FBN2: variants seen among roughly 807,000 people sequenced by gnomAD.
FBN2 encodes fibrillin-2.
Under a neutral mutation model 355.6 loss-of-function variants are expected in FBN2, and 105 were observed. That is an observed-to-expected ratio of 0.30 (90% CI 0.25 to 0.35). The LOEUF is 0.35. Among genes scored for constraint, FBN2 ranks in the 10% least tolerant of loss-of-function variants. The pLI, the probability that FBN2 is intolerant of heterozygous loss-of-function variation, is 1.00. For missense variants in FBN2, 3,280 were observed against 3,758.7 expected (o/e 0.87, Z 3.33); for synonymous variants, 1,350 against 1,301.2 (o/e 1.04, Z -0.81).
intron 55 of FBN2, among the ~76,000 whole-genome samples, chr5:128,285,311 C>T (rs1349482178): frequency 6.6e-6 from 1 of 151,916 alleles, no homozygotes; most frequent in Non-Finnish European, 1.5e-5. Context: ...AATATTTTTA[C>T]TGTTTTTAAA....
chr5:128,373,733 G>C (rs1433992291), intron 15 of FBN2, among the ~76,000 whole-genome samples: 3 of 152,062 alleles, frequency 2.0e-5, no homozygotes, highest in East Asian at 3.9e-4. Flanking sequence ...TATATTGCTG[G>C]GGTTCCCAAA....
chr5:128,472,987 A>T (rs954076410), intron 5 of FBN2, among the ~76,000 whole-genome samples: 2 of 152,196 alleles, frequency 1.3e-5, no homozygotes, highest in African/African-American at 4.8e-5. Flanking sequence ...GAGGGCATGG[A>T]AATATTCACG....
chr5:128,401,867 T>G (rs1038821545), intron 8 of FBN2, among the ~76,000 whole-genome samples: 1 of 152,156 alleles, frequency 6.6e-6, no homozygotes, highest in African/African-American at 2.4e-5. Flanking sequence ...TGAAGGAAAC[T>G]AAGTCATAGG....
At chr5:128,394,768 T>C (rs1752602659) in intron 9 of FBN2, among the ~76,000 whole-genome samples, 2 of 152,128 alleles carry the variant, frequency 1.3e-5, no homozygotes. Context: ...ATGACTTGAC[T>C]TCAAGGACAG....
At chr5:128,476,839 T>C (rs1052264104) in intron 5 of FBN2, among the ~76,000 whole-genome samples, 4 of 152,174 alleles carry the variant, frequency 2.6e-5, no homozygotes, top group Admixed American at 6.6e-5. Context: ...TGAGATTCAA[T>C]AGCTCCGTGA....
chr5:128,519,062 C>T (rs773413895), intron 5 of FBN2, among the ~76,000 whole-genome samples: 2 of 152,188 alleles, frequency 1.3e-5, no homozygotes, highest in South Asian at 2.1e-4. Flanking sequence ...CAGAGTTGGC[C>T]GCCCAAACTG....
intron 56 of FBN2, 71 bp from the exon 57 acceptor site, chr5:128,278,912 C>A: frequency 1.6e-6 from 2 of 1,264,584 alleles, no homozygotes; most frequent in Admixed American, 1.9e-5. Flanking sequence ...TCAAATTAAG[C>A]AGGGCAGTCA....
chr5:128,420,358 C>T (rs538148911), intron 7 of FBN2, among the ~76,000 whole-genome samples: 1 of 152,266 alleles, frequency 6.6e-6, no homozygotes, highest in East Asian at 1.9e-4. Flanking sequence ...AAAACTTTTT[C>T]CTCTAATAGA....
At chr5:128,448,240 C>T (rs151260897) in intron 6 of FBN2, among the ~76,000 whole-genome samples, 19 of 152,174 alleles carry the variant, frequency 1.2e-4, no homozygotes, top group Admixed American at 4.6e-4. Flanking sequence ...CTCTACTGTT[C>T]ATGAAGACTC....
intron 20 of FBN2, among the ~76,000 whole-genome samples, chr5:128,356,145 A>T (rs1460952791): frequency 6.6e-6 from 1 of 151,908 alleles, no homozygotes; most frequent in Non-Finnish European, 1.5e-5. Context: ...CGCCCCCCCA[A>T]CCCAGCCCGG....
At chr5:128,364,829 T>A in intron 17 of FBN2, 104 bp from the exon 18 acceptor site, 1 of 971,510 alleles carries the variant, frequency 1.0e-6, no homozygotes, top group Admixed American at 2.0e-5. Context: ...TGTTTAACTC[T>A]GCAAACTCAC....
Position 128,492,491 on chromosome 5 carries a change from G to A in FBN2, c.628+26782C>T, listed in dbSNP as rs533012878. Among the ~76,000 whole-genome samples, 48 of 152,194 alleles carry A rather than the reference G, an allele frequency of 3.2e-4. No homozygotes were observed. In the South Asian group the frequency reaches 1.0e-2, roughly 32 times the overall value. On this transcript the variant is annotated intron_variant, in intron 5 of 64. Coordinates refer to ENST00000262464, the MANE Select transcript of FBN2 (RefSeq NM_001999.4). Reference sequence around the variant, plus strand: ...CCTTTTACAACATTTAATAAACAGGGTCAAACTTTTGTTAAAATATAGAAA... The same window carrying A: ...CCTTTTACAACATTTAATAAACAGGATCAAACTTTTGTTAAAATATAGAAA...
chr5:128,384,729 T>C (rs1752321513), intron 11 of FBN2, among the ~76,000 whole-genome samples: 2 of 152,056 alleles, frequency 1.3e-5, no homozygotes, highest in South Asian at 4.1e-4. Flanking sequence ...AATATTCAAG[T>C]GGCACCTGGG....
intron 5 of FBN2, among the ~76,000 whole-genome samples, chr5:128,475,655 A>G (rs373246016): frequency 3.3e-5 from 5 of 152,330 alleles, no homozygotes; most frequent in South Asian, 4.1e-4. Context: ...AATAATGATA[A>G]TAAAAAAGAT....
chr5:128,507,486 T>G (rs1755994719), intron 5 of FBN2, among the ~76,000 whole-genome samples: 1 of 152,060 alleles, frequency 6.6e-6, no homozygotes, highest in African/African-American at 2.4e-5. Flanking sequence ...ACTGCTAAAC[T>G]TTTTAAGTTC....
chr5:128,452,013 T>C (rs966482527), intron 6 of FBN2, among the ~76,000 whole-genome samples: 1 of 152,188 alleles, frequency 6.6e-6, no homozygotes, highest in African/African-American at 2.4e-5. Flanking sequence ...TGCAGTTATG[T>C]AGAATTAATT....
intron 6 of FBN2, among the ~76,000 whole-genome samples, chr5:128,453,063 T>C (rs981182491): frequency 6.6e-6 from 1 of 152,170 alleles, no homozygotes; most frequent in Non-Finnish European, 1.5e-5. Flanking sequence ...CTGAAACATA[T>C]GGGGTGTCCT....
intron 5 of FBN2, among the ~76,000 whole-genome samples, chr5:128,502,152 T>A (rs568686118): frequency 2.3e-4 from 34 of 151,018 alleles, no homozygotes; most frequent in African/African-American, 7.3e-4. Flanking sequence ...AACAATTGGA[T>A]CCTATCTACA....
chr5:128,364,353 A>T (rs1017799871), intron 18 of FBN2, among the ~76,000 whole-genome samples: 6 of 152,202 alleles, frequency 3.9e-5, no homozygotes, highest in African/African-American at 1.4e-4. Context: ...GGAAAACAAT[A>T]GGCAAATAAT....
Sources: allele counts gnomAD v4.1 joint callset (sites outside exome capture counted in the v4.1 genomes callset), GRCh38; gene constraint gnomAD v4.1.1; transcripts MANE v1.5; gene names NCBI Gene and HGNC (gene_info 2026-07-23, HGNC 2026-07-21).